PDE4D: variants seen among roughly 807,000 people sequenced by gnomAD.
The protein encoded by PDE4D is 3',5'-cyclic-AMP phosphodiesterase 4D.
In PDE4D, 24 loss-of-function variants were observed where a neutral mutation model predicts 87.4. The ratio of observed to expected loss-of-function variants is 0.27; its 90% CI spans 0.20 to 0.39. The LOEUF is 0.39. PDE4D is among the 10% of genes least tolerant of loss of function. PDE4D has a pLI of 1.00. For synonymous variants in PDE4D, 384 were observed against 383.2 expected (o/e 1.00, Z -0.02); for missense variants, 714 against 1,041.0 (o/e 0.69, Z 4.32).
intron 1 of PDE4D, among the ~76,000 whole-genome samples, chr5:60,201,507 G>T (rs1017878365): frequency 1.3e-5 from 2 of 152,106 alleles, no homozygotes; most frequent in African/African-American, 4.8e-5. Context: ...ATTACATGCA[G>T]TTCCGATCTG....
At chr5:59,445,661 T>C (rs922752321) in intron 1 of PDE4D, among the ~76,000 whole-genome samples, 2 of 152,326 alleles carry the variant, frequency 1.3e-5, no homozygotes, top group South Asian at 4.1e-4. Context: ...CTTGTAAGCA[T>C]AGTTTAAATC....
intron 1 of PDE4D, among the ~76,000 whole-genome samples, chr5:60,270,814 C>T (rs1250537065): frequency 3.3e-5 from 5 of 152,128 alleles, no homozygotes; most frequent in Non-Finnish European, 7.4e-5. Context: ...TTTAAAATGT[C>T]ATATTTTATT....
intron 3 of PDE4D, among the ~76,000 whole-genome samples, chr5:59,927,092 A>G (rs1329343442): frequency 1.3e-5 from 2 of 152,184 alleles, no homozygotes; most frequent in Non-Finnish European, 2.9e-5. Flanking sequence ...CTAAAGGAAG[A>G]GTGGAATTTA....
At chr5:59,849,170 CATT>C (rs1223779277) in intron 1 of PDE4D, among the ~76,000 whole-genome samples, 7 of 151,804 alleles carry the variant, frequency 4.6e-5, no homozygotes, top group Non-Finnish European at 1.0e-4. Context: ...ATAAAAGACT[CATT>C]AATCATTCAT....
intron 2 of PDE4D, among the ~76,000 whole-genome samples, chr5:60,084,136 T>C (rs1434879393): frequency 6.6e-6 from 1 of 152,244 alleles, no homozygotes; most frequent in Non-Finnish European, 1.5e-5. Flanking sequence ...TTTGGTAATA[T>C]GCTAAGCAAA....
intron 5 of PDE4D, among the ~76,000 whole-genome samples, chr5:59,069,185 C>T (rs890134309): frequency 1.3e-5 from 2 of 152,118 alleles, no homozygotes; most frequent in Non-Finnish European, 1.5e-5. Context: ...AATTTAAATC[C>T]ATCTTCCTCC....
intron 1 of PDE4D, among the ~76,000 whole-genome samples, chr5:59,736,482 C>G (rs1400267736): frequency 6.6e-6 from 1 of 151,920 alleles, no homozygotes; most frequent in Non-Finnish European, 1.5e-5. Context: ...AGTTTGAGAC[C>G]AGCCTGACCA....
At chr5:59,037,212 A>G (rs1758682154) in intron 6 of PDE4D, among the ~76,000 whole-genome samples, 1 of 152,232 alleles carries the variant, frequency 6.6e-6, no homozygotes, top group South Asian at 2.1e-4. Context: ...TTTTAGGGAA[A>G]GTAACTAGCT....
chr5:59,714,432 C>G (rs555817505), intron 1 of PDE4D, among the ~76,000 whole-genome samples: 8 of 152,284 alleles, frequency 5.3e-5, no homozygotes, highest in African/African-American at 1.4e-4. Context: ...TGGGGGGACA[C>G]CAGACAAATA....
At chr5:60,264,867 T>C (rs1750023699) in intron 1 of PDE4D, among the ~76,000 whole-genome samples, 1 of 152,156 alleles carries the variant, frequency 6.6e-6, no homozygotes, top group Non-Finnish European at 1.5e-5. Context: ...AGTGGAATCT[T>C]TACTCAGAAA....
intron 5 of PDE4D, among the ~76,000 whole-genome samples, chr5:59,104,362 G>T (rs192797312): frequency 6.6e-6 from 1 of 152,188 alleles, no homozygotes; most frequent in African/African-American, 2.4e-5. Context: ...CACAGTAAGC[G>T]TTGGATAACC....
At chr5:59,386,010 G>A (rs1362969693) in intron 1 of PDE4D, among the ~76,000 whole-genome samples, 2 of 152,118 alleles carry the variant, frequency 1.3e-5, no homozygotes, top group African/African-American at 2.4e-5. Flanking sequence ...TAAATCTTGG[G>A]TATTTCTGTG....
intron 1 of PDE4D, among the ~76,000 whole-genome samples, chr5:59,708,818 T>C (rs143455959): frequency 3.0e-4 from 45 of 152,224 alleles, no homozygotes; most frequent in African/African-American, 1.1e-3. Flanking sequence ...CTTTAATTAA[T>C]GAACGTTCCA....
Position 58,977,179 on chromosome 5 carries a change from T to C in PDE4D, c.1707+12A>G. The stretch of plus-strand genomic sequence containing the variant: ...TCACAGTTCTCTTCTTTGGCTTTTA[T>C]CAGCTACTTACGATGTCAATGACCA... On this transcript the variant is annotated intron_variant, in intron 12 of 14. Transcript: ENST00000340635. The C allele has an allele frequency of 1.9e-6, 3 of 1,599,288 alleles. No individual in the cohort carries two copies. Among genetic ancestry groups the C allele is most frequent in the Non-Finnish European group, 2.6e-6 (3 of 1,175,592 alleles).
intron 1 of PDE4D, among the ~76,000 whole-genome samples, chr5:59,729,477 A>G (rs1403970077): frequency 1.3e-5 from 2 of 152,116 alleles, no homozygotes; most frequent in Non-Finnish European, 2.9e-5. Flanking sequence ...AGAGTATAGG[A>G]TATTTTCAAA....
chr5:59,826,689 T>A (rs577816193), intron 1 of PDE4D, among the ~76,000 whole-genome samples: 21 of 152,180 alleles, frequency 1.4e-4, no homozygotes, highest in African/African-American at 5.1e-4. Flanking sequence ...TGTAAACCTG[T>A]ATAGCTCTTA....
intron 2 of PDE4D, among the ~76,000 whole-genome samples, chr5:60,002,852 C>T (rs997292919): frequency 2.0e-5 from 3 of 152,096 alleles, no homozygotes; most frequent in African/African-American, 7.2e-5. Flanking sequence ...AGCTGCTTCT[C>T]TAAAATCTGA....
chr5:59,226,593 A>G (rs951645157), intron 1 of PDE4D, among the ~76,000 whole-genome samples: 1 of 152,186 alleles, frequency 6.6e-6, no homozygotes, highest in African/African-American at 2.4e-5. Flanking sequence ...AACAGCTAAT[A>G]ATAATGTACT....
At chr5:60,416,010 G>A (rs1217093416) in intron 1 of PDE4D, among the ~76,000 whole-genome samples, 1 of 152,086 alleles carries the variant, frequency 6.6e-6, no homozygotes, top group Non-Finnish European at 1.5e-5. Context: ...CAGGGTTTGT[G>A]AATGCACCAA....
Sources: allele counts gnomAD v4.1 joint callset (sites outside exome capture counted in the v4.1 genomes callset), GRCh38; gene constraint gnomAD v4.1.1; transcripts MANE v1.5; gene names NCBI Gene and HGNC (gene_info 2026-07-23, HGNC 2026-07-21).